PRKD1: variants seen among roughly 807,000 people sequenced by gnomAD.
PRKD1 encodes protein kinase D1, also known as serine/threonine-protein kinase D1.
A neutral mutation model predicts 95.9 loss-of-function variants in PRKD1; 63 were observed. The observed-to-expected ratio is 0.66, with a 90% CI of 0.54 to 0.81. The LOEUF (loss-of-function observed/expected upper bound fraction) is 0.81, where lower values mean the gene tolerates loss of function less well. Among genes scored for constraint, PRKD1 ranks in the 30% least tolerant of loss-of-function variants. PRKD1 has a pLI of 0.00. For missense variants in PRKD1, 1,048 were observed against 1,165.3 expected (o/e 0.90, Z 1.47); for synonymous variants, 425 against 423.1 (o/e 1.00, Z -0.05).
intron 1 of PRKD1, among the ~76,000 whole-genome samples, chr14:29,812,631 A>AAAGT (rs1890537216): frequency 6.6e-6 from 1 of 152,128 alleles, no homozygotes; most frequent in Admixed American, 6.5e-5. Context: ...AGCACAGGAA[A>AAAGT]AAGTACCATG....
chr14:29,705,432 G>A (rs974505036), intron 2 of PRKD1, among the ~76,000 whole-genome samples: 3 of 147,428 alleles, frequency 2.0e-5, no homozygotes, highest in South Asian at 2.2e-4. Context: ...TTATCCTCTC[G>A]ATGAACAGAA....
At chr14:29,685,734 C>CTGTGTGTGTGTG (rs5807548) in intron 2 of PRKD1, among the ~76,000 whole-genome samples, 10 of 149,288 alleles carry the variant, frequency 6.7e-5, no homozygotes, top group Admixed American at 6.0e-4. Context: ...TTATCCTCAT[C>CTGTGTGTGTGTG]TGTGTGTGTG....
intron 2 of PRKD1, among the ~76,000 whole-genome samples, chr14:29,676,605 G>A (rs905627609): frequency 3.3e-5 from 5 of 152,194 alleles, no homozygotes; most frequent in East Asian, 1.9e-4. Context: ...TGCCCGCCTC[G>A]GCCTCCCAAA....
chr14:29,737,902 T>C (rs2139426995), intron 1 of PRKD1, among the ~76,000 whole-genome samples: 1 of 152,314 alleles, frequency 6.6e-6, no homozygotes. Flanking sequence ...AAAAATCATC[T>C]AACACCAGAC....
At chr14:29,677,070 G>C (rs1462872770) in intron 2 of PRKD1, among the ~76,000 whole-genome samples, 1 of 152,148 alleles carries the variant, frequency 6.6e-6, no homozygotes, top group Non-Finnish European at 1.5e-5. Flanking sequence ...CTGCTCTAAA[G>C]AGAGAATTTA....
In PRKD1 at chr14:29,854,974, C is replaced by T. The variant is rs550799598; in HGVS notation, c.264+72275G>A. ...TAAAGAACTGGGGTTTGGGAACCTCCGCCTAGATTTCAGAGGATGTATAAA... is the reference window on the plus strand; with the variant it reads ...TAAAGAACTGGGGTTTGGGAACCTCTGCCTAGATTTCAGAGGATGTATAAA... On this transcript the variant is annotated intron_variant, in intron 1 of 17. Coordinates refer to ENST00000331968, the MANE Select transcript of PRKD1 (RefSeq NM_002742.3). 1.6e-3 allele frequency among the ~76,000 whole-genome samples: 243 copies of T among 152,284 alleles called. 1 individual carries two copies. Among genetic ancestry groups the T allele is most frequent in the African/African-American group, 2.2e-3 (91 of 41,560 alleles).
chr14:29,923,310 T>C (rs1426479813), intron 1 of PRKD1, among the ~76,000 whole-genome samples: 2 of 150,374 alleles, frequency 1.3e-5, no homozygotes, highest in South Asian at 2.1e-4. Context: ...ACATATAATA[T>C]AGCCAATTAT....
At chr14:29,682,071 C>T (rs2139270301) in intron 2 of PRKD1, among the ~76,000 whole-genome samples, 1 of 152,244 alleles carries the variant, frequency 6.6e-6, no homozygotes, top group East Asian at 1.9e-4. Flanking sequence ...GAAAAATGGC[C>T]ATGGATGATT....
At chr14:29,790,834 T>A (rs1889511349) in intron 1 of PRKD1, among the ~76,000 whole-genome samples, 1 of 152,096 alleles carries the variant, frequency 6.6e-6, no homozygotes, top group Non-Finnish European at 1.5e-5. Flanking sequence ...TTTTAAAGAG[T>A]AGATCTTAAT....
At chr14:29,906,131 T>C (rs1311058193) in intron 1 of PRKD1, among the ~76,000 whole-genome samples, 1 of 151,796 alleles carries the variant, frequency 6.6e-6, no homozygotes, top group Non-Finnish European at 1.5e-5. Flanking sequence ...CACACACACA[T>C]AGAAATGGAT....
At chr14:29,734,559 G>C (rs938189498) in intron 1 of PRKD1, among the ~76,000 whole-genome samples, 1 of 152,130 alleles carries the variant, frequency 6.6e-6, no homozygotes, top group African/African-American at 2.4e-5. Context: ...TAGTACTAAC[G>C]ATTCTTTGAA....
intron 1 of PRKD1, among the ~76,000 whole-genome samples, chr14:29,910,558 G>C (rs996042512): frequency 6.6e-6 from 1 of 152,094 alleles, no homozygotes; most frequent in African/African-American, 2.4e-5. Context: ...AGCCTTAAGA[G>C]AAAGAAAGAT....
intron 4 of PRKD1, among the ~76,000 whole-genome samples, chr14:29,645,868 A>G (rs1417162383): frequency 6.6e-6 from 1 of 151,266 alleles, no homozygotes; most frequent in African/African-American, 2.4e-5. Context: ...CCCACTCCTT[A>G]CTCTATTACT....
chr14:29,645,030 T>C (rs1038319663), intron 4 of PRKD1, among the ~76,000 whole-genome samples: 1 of 152,180 alleles, frequency 6.6e-6, no homozygotes, highest in Admixed American at 6.5e-5. Context: ...AACTTGTAAG[T>C]AGCAGAACTA....
chr14:29,743,122 T>C (rs910970570), intron 1 of PRKD1, among the ~76,000 whole-genome samples: 1 of 152,168 alleles, frequency 6.6e-6, no homozygotes, highest in Non-Finnish European at 1.5e-5. Context: ...TGAGAGGAGT[T>C]TCTTTGCCTT....
chr14:29,804,806 T>C (rs1890171262), intron 1 of PRKD1, among the ~76,000 whole-genome samples: 1 of 152,120 alleles, frequency 6.6e-6, no homozygotes, highest in Non-Finnish European at 1.5e-5. Context: ...GAGGTGTTTT[T>C]TTTTCCTTTC....
At position 29,634,464 on chromosome 14, in the gene PRKD1, A is replaced by T; in HGVS notation, c.1268T>A (p.Val423Asp). The change falls in exon 8 of 18, where the codon GTC becomes GAC. Residue 423 changes from valine (V) to aspartate (D), a missense_variant. Around this residue, in one of 3 missense-constraint regions of PRKD1, gnomAD observed 739 missense variants for 861.9 expected, o/e 0.86. Transcript: ENST00000331968. ...GTGGACCATCCATCCTTCTTTCATG[A>T]CTGTGCTGCTTTTCCTCTTCGTGTG... Reference protein sequence around the residue: ...VKHTKRKSSTVMKEGWMVHYT... With the variant: ...VKHTKRKSSTDMKEGWMVHYT... 2 of 1,613,982 alleles carry T rather than the reference A, an allele frequency of 1.2e-6. No individual in the cohort carries two copies.
chr14:29,648,861 A>G (rs571329785), intron 4 of PRKD1, among the ~76,000 whole-genome samples: 16 of 152,176 alleles, frequency 1.1e-4, no homozygotes, highest in African/African-American at 3.6e-4. Context: ...TCACCGTGTT[A>G]GCCAGGATGG....
At chr14:29,790,065 G>A (rs1889469023) in intron 1 of PRKD1, among the ~76,000 whole-genome samples, 1 of 135,990 alleles carries the variant, frequency 7.4e-6, no homozygotes, top group Non-Finnish European at 1.5e-5. Context: ...AGGCTGGAGT[G>A]CAGTGGCACA....
Sources: gnomAD v4.1 joint callset for allele counts (sites outside exome capture counted in the v4.1 genomes callset) on GRCh38, gnomAD v4.1.1 for gene constraint, gnomAD v4.1.1 regional missense constraint, MANE v1.5 for transcripts, NCBI Gene and HGNC (gene_info 2026-07-23, HGNC 2026-07-21) for gene names.